The following DAB2IP variants were observed in gnomAD, a reference collection of about 807,000 sequenced individuals.
DAB2IP encodes the protein disabled homolog 2-interacting protein.
Under a neutral mutation model 107.2 loss-of-function variants are expected in DAB2IP, and 28 were observed. That is an observed-to-expected ratio of 0.26 (90% CI 0.19 to 0.36). The LOEUF is 0.36. DAB2IP is among the 10% of genes least tolerant of loss of function. The probability of loss-of-function intolerance (pLI) is 1.00; values close to 1 mark genes in which losing one functional copy is unlikely to be tolerated. For missense variants in DAB2IP, 1,400 were observed against 1,644.7 expected, an observed-to-expected ratio of 0.85 and a Z score of 2.57; for synonymous variants, 755 against 706.4, an observed-to-expected ratio of 1.07 and a Z score of -1.09.
At position 121,776,655 on chromosome 9, in the gene DAB2IP, C is replaced by T. The variant is rs1383466367; in HGVS notation, c.3314+264C>T. Reference sequence around the variant, plus strand: ...GCTGGCTCCCGACGGGCCTGAGCCTCTACAAGGAGCCATACCATCTTAGTA... The same window carrying T: ...GCTGGCTCCCGACGGGCCTGAGCCTTTACAAGGAGCCATACCATCTTAGTA... On this transcript the variant is annotated intron_variant, in intron 14 of 15. Coordinates refer to ENST00000408936, the Ensembl canonical transcript of DAB2IP. The surrounding 1 kb of genome is among the most constrained non-coding windows in gnomAD (Gnocchi z 5.4). Among the ~76,000 whole-genome samples, 2 of 152,176 alleles carry T rather than the reference C, an allele frequency of 1.3e-5. No homozygotes were observed. Among genetic ancestry groups the T allele is most frequent in the Non-Finnish European group, 2.9e-5 (2 of 68,030 alleles).
At chr9:121,720,984 ACCT>A (rs1830895552) in intron 3 of DAB2IP, among the ~76,000 whole-genome samples, 1 of 152,082 alleles carries the variant, frequency 6.6e-6, no homozygotes, top group Non-Finnish European at 1.5e-5. Flanking sequence ...AGAGGGGCAG[ACCT>A]CCTGCAGGCG....
chr9:121,710,500 CA>C lies in DAB2IP; in HGVS notation c.362+11043del, dbSNP rs534231530. Among the ~76,000 whole-genome samples, 32 of 152,284 alleles carry C rather than the reference CA, an allele frequency of 2.1e-4. No individual in the cohort carries two copies. The South Asian group carries it at 6.6e-3, about 32-fold the overall frequency. ...CAAGCGTCTTTTTCTGTGGCTCCCC[CA>C]GGGTTCTGGGCTCCCACACCTCTTT... On this transcript the variant is annotated intron_variant, in intron 3 of 15. Transcript: ENST00000408936.
At chr9:121,781,617 G>A in intron 15 of DAB2IP, 66 bp downstream of exon 15, 2 of 1,486,590 alleles carry the variant, frequency 1.3e-6, no homozygotes, top group Admixed American at 3.4e-5. Flanking sequence ...GGGGTGACTA[G>A]CCTCTCCATC....
intron 1 of DAB2IP, among the ~76,000 whole-genome samples, chr9:121,596,648 G>A (rs1366715608): frequency 1.3e-5 from 2 of 150,836 alleles, no homozygotes. Flanking sequence ...ATAGAATTTT[G>A]CTGACTACCC....
chr9:121,771,780 A>T (rs1157129265), intron 11 of DAB2IP, among the ~76,000 whole-genome samples: 1 of 151,998 alleles, frequency 6.6e-6, no homozygotes, highest in African/African-American at 2.4e-5. Context: ...AGCCCATCTC[A>T]GGGAGTGGCA....
chr9:121,589,215 C>A (rs533213753), intron 1 of DAB2IP, among the ~76,000 whole-genome samples: 4 of 152,232 alleles, frequency 2.6e-5, no homozygotes, highest in East Asian at 1.9e-4. Context: ...CGCTCAGTAG[C>A]CCCCTCAAGG....
intron 1 of DAB2IP, among the ~76,000 whole-genome samples, chr9:121,584,548 A>G (rs1260689119): frequency 6.6e-6 from 1 of 152,210 alleles, no homozygotes; most frequent in South Asian, 2.1e-4. Flanking sequence ...CCCAGGGAGG[A>G]CAGGGTGACA....
chr9:121,673,387 AATGGAACTCACT>A (rs1564147935), intron 1 of DAB2IP, among the ~76,000 whole-genome samples: 1 of 152,164 alleles, frequency 6.6e-6, no homozygotes, highest in African/African-American at 2.4e-5. Context: ...CCATCTGGAA[AATGGAACTCACT>A]ATAGAGCTGC....
upstream of DAB2IP, among the ~76,000 whole-genome samples, chr9:121,649,188 T>C (rs1589451035): frequency 6.6e-6 from 1 of 151,998 alleles, no homozygotes; most frequent in Admixed American, 6.5e-5. Flanking sequence ...ATCCCAAGGG[T>C]AGAAATGCAC....
rs1156554927 is a variant in DAB2IP at position 121,768,453 on chromosome 9, C to T, written c.1719C>T (p.Tyr573=). ...CCAGATTTGGCAGCAAGGAGGAATA[C>T]ATGTCCTTCATGAACCAGTTCCTAG... Residue 573 remains tyrosine, a synonymous_variant, in exon 10 of 16, where the codon TAC becomes TAT. Coordinates refer to ENST00000408936, the Ensembl canonical transcript of DAB2IP. The T allele has an allele frequency of 6.2e-6, 10 of 1,614,100 alleles. No homozygotes were observed. In the East Asian group the frequency reaches 6.7e-5, roughly 11 times the overall value.
chr9:121,783,387 C>CCAGG, exon 16 of DAB2IP: 1 of 1,554,638 alleles, frequency 6.4e-7, no homozygotes, highest in Admixed American at 1.9e-5. Flanking sequence ...CCCAGCACAC[C>CCAGG]CAGGGCACAG....
intron 1 of DAB2IP, among the ~76,000 whole-genome samples, chr9:121,573,721 T>A (rs1359867232): frequency 1.3e-5 from 2 of 152,114 alleles, no homozygotes; most frequent in Non-Finnish European, 2.9e-5. Flanking sequence ...ACCTGGTGGG[T>A]TGCAGTTAGC....
chr9:121,741,607 A>G (rs1201375617), intron 3 of DAB2IP, among the ~76,000 whole-genome samples: 2 of 151,936 alleles, frequency 1.3e-5, no homozygotes. Context: ...TCCTTATGGG[A>G]CGGAGCAGGC....
intron 2 of DAB2IP, among the ~76,000 whole-genome samples, chr9:121,694,880 C>T (rs1031833098): frequency 6.6e-6 from 1 of 152,170 alleles, no homozygotes; most frequent in Non-Finnish European, 1.5e-5. Flanking sequence ...TGTGCAAAAG[C>T]CCTGGGGCCT....
chr9:121,743,098 C>T (rs1356042243), intron 3 of DAB2IP, among the ~76,000 whole-genome samples: 1 of 152,172 alleles, frequency 6.6e-6, no homozygotes, highest in Non-Finnish European at 1.5e-5. Context: ...CCCAGCTTTG[C>T]AGCTGACTTG....
chr9:121,730,900 C>G (rs759870320), intron 3 of DAB2IP, among the ~76,000 whole-genome samples: 1 of 152,206 alleles, frequency 6.6e-6, no homozygotes, highest in African/African-American at 2.4e-5. Flanking sequence ...ACCCTCCTGG[C>G]AATGAGAAGT....
intron 13 of DAB2IP, among the ~76,000 whole-genome samples, chr9:121,775,896 C>G (rs1410328001): frequency 6.6e-6 from 1 of 152,206 alleles, no homozygotes; most frequent in Non-Finnish European, 1.5e-5. Flanking sequence ...TATAAAAGTT[C>G]AAAGCCCTAG....
At chr9:121,575,739 G>A (rs996742227) in intron 1 of DAB2IP, among the ~76,000 whole-genome samples, 13 of 152,040 alleles carry the variant, frequency 8.6e-5, no homozygotes, top group Non-Finnish European at 1.8e-4. Context: ...CCACTGCCCC[G>A]TCTGTTCCTT....
chr9:121,585,161 C>G (rs1223149514), intron 1 of DAB2IP, among the ~76,000 whole-genome samples: 1 of 152,186 alleles, frequency 6.6e-6, no homozygotes, highest in African/African-American at 2.4e-5. Flanking sequence ...TCAATGACCT[C>G]TTGAGACTCA....
Sources: gnomAD v4.1 joint callset for allele counts (sites outside exome capture counted in the v4.1 genomes callset) on GRCh38, gnomAD v4.1.1 for gene constraint, Gnocchi (gnomAD v3.1) non-coding constraint, MANE v1.5 for transcripts, NCBI Gene and HGNC (gene_info 2026-07-23, HGNC 2026-07-21) for gene names.